Variants in GALNT18 observed in about 807,000 individuals in gnomAD.
GALNT18 encodes GalNAc-transferase 18.
In GALNT18, 44 loss-of-function variants were observed where a neutral mutation model predicts 69.5. That is an observed-to-expected ratio of 0.63 (90% confidence interval 0.50 to 0.81). The LOEUF (loss-of-function observed/expected upper bound fraction) is 0.81, where lower values mean the gene tolerates loss of function less well. Among genes scored for constraint, GALNT18 ranks in the 40% least tolerant of loss-of-function variants. The pLI, the probability that GALNT18 is intolerant of heterozygous loss-of-function variation, is 0.00. For synonymous variants in GALNT18, 364 were observed against 318.2 expected (o/e 1.14, Z -1.53); for missense variants, 715 against 810.0 (o/e 0.88, Z 1.42).
chr11:11,461,871 G>C lies in GALNT18; in HGVS notation c.236-12935C>G, dbSNP rs116418819. On this transcript the variant is annotated intron_variant, in intron 1 of 10. Transcript: ENST00000227756. This position sits in a 1 kb window ranked among gnomAD's most constrained non-coding sequence, Gnocchi z 4.1. Reference sequence around the variant, plus strand: ...CTCTGCTACAAGAGTCCTTGCTTTGGGAAACCTGCAGCCTGAATGAAGCTG... The same window carrying C: ...CTCTGCTACAAGAGTCCTTGCTTTGCGAAACCTGCAGCCTGAATGAAGCTG... Among the ~76,000 whole-genome samples the C allele has an allele frequency of 3.0e-3, 462 of 152,306 alleles. 3 individuals carry two copies. Among genetic ancestry groups the C allele is most frequent in the African/African-American group, 0.011 (441 of 41,554 alleles).
intron 8 of GALNT18, among the ~76,000 whole-genome samples, chr11:11,329,583 T>C: frequency 6.6e-6 from 1 of 152,236 alleles, no homozygotes; most frequent in Non-Finnish European, 1.5e-5. Flanking sequence ...ACCACATTCC[T>C]GTGCTTCACT....
At chr11:11,326,508 T>C (rs773395085) in intron 9 of GALNT18, among the ~76,000 whole-genome samples, 2 of 152,196 alleles carry the variant, frequency 1.3e-5, no homozygotes, top group Non-Finnish European at 2.9e-5. Context: ...CCTCTTTGAG[T>C]ATCTGAAGCT....
At chr11:11,554,045 C>T (rs888643126) in intron 1 of GALNT18, among the ~76,000 whole-genome samples, 2 of 151,752 alleles carry the variant, frequency 1.3e-5, no homozygotes, top group African/African-American at 4.9e-5. Flanking sequence ...AAGGGTTTGC[C>T]AGTTACAGGC....
At chr11:11,386,505 A>AT (rs1314151407) in intron 3 of GALNT18, among the ~76,000 whole-genome samples, 1 of 152,098 alleles carries the variant, frequency 6.6e-6, no homozygotes, top group African/African-American at 2.4e-5. Context: ...AAGCATTTAA[A>AT]TTTTCAACTC....
In GALNT18 at chr11:11,339,952, C is replaced by G. The variant is rs937250582; in HGVS notation, c.1278+867G>C. Among the ~76,000 whole-genome samples the G allele has an allele frequency of 6.6e-6, 1 of 152,168 alleles. No homozygotes were observed. The highest frequency in any genetic ancestry group is 1.5e-5 in the Non-Finnish European group (1 of 68,028). ...CCCATTAGAAGCTTCCTAAAGGACT[C>G]CAAAAGGGATTGCCATGGCCTTGGG... On this transcript the variant is annotated intron_variant, in intron 7 of 10. Coordinates refer to ENST00000227756, the MANE Select transcript of GALNT18 (RefSeq NM_198516.3). This position sits in a 1 kb window ranked among gnomAD's most constrained non-coding sequence, Gnocchi z 5.2.
intron 3 of GALNT18, among the ~76,000 whole-genome samples, chr11:11,431,009 T>G (rs1340574016): frequency 6.6e-6 from 1 of 152,224 alleles, no homozygotes; most frequent in African/African-American, 2.4e-5. Flanking sequence ...TATATCTGAT[T>G]CACTTTCCTT....
Position 11,435,468 on chromosome 11 carries a change from A to G in GALNT18, c.429-2681T>C, listed in dbSNP as rs1242327364. ...ATTTTCACAAGAAAGACTTTTGAAC[A>G]TAAAGTTTTCATAAGAAAACTCATT... On this transcript the variant is annotated intron_variant, in intron 2 of 10. Coordinates refer to ENST00000227756, the MANE Select transcript of GALNT18 (RefSeq NM_198516.3). The surrounding 1 kb of genome is among the most constrained non-coding windows in gnomAD (Gnocchi z 4.4). 1.3e-5 allele frequency among the ~76,000 whole-genome samples: 2 copies of G among 152,232 alleles called. No individual in the cohort carries two copies. The highest frequency in any genetic ancestry group is 6.5e-5 in the Admixed American group (1 of 15,286).
At position 11,469,012 on chromosome 11, in the gene GALNT18, C is replaced by T. The variant is rs1023932801; in HGVS notation, c.236-20076G>A. On this transcript the variant is annotated intron_variant, in intron 1 of 10. Transcript: ENST00000227756. The surrounding 1 kb of genome is among the most constrained non-coding windows in gnomAD (Gnocchi z 4.2). ...ACAGTCCTATAGACAGATGGCCATA[C>T]AGCGGTTGCCAGGGTTTGGTAGGGA... Among the ~76,000 whole-genome samples, 23 of 152,176 alleles carry T rather than the reference C, an allele frequency of 1.5e-4. No homozygotes were observed. The highest frequency in any genetic ancestry group is 5.1e-4 in the African/African-American group (21 of 41,448).
chr11:11,548,874 A>T (rs1405337165), intron 1 of GALNT18, among the ~76,000 whole-genome samples: 2 of 152,114 alleles, frequency 1.3e-5, no homozygotes, highest in Admixed American at 6.5e-5. Context: ...CCTGGTGAAC[A>T]ATAGATGCTT....
chr11:11,442,750 T>C (rs1042936522), intron 2 of GALNT18, among the ~76,000 whole-genome samples: 2 of 152,160 alleles, frequency 1.3e-5, no homozygotes, highest in African/African-American at 4.8e-5. Flanking sequence ...GCAGAACATA[T>C]TCTGACCACC....
In GALNT18 at chr11:11,595,381, C is replaced by T. The variant is rs1048819052; in HGVS notation, c.235+25978G>A. Among the ~76,000 whole-genome samples the T allele has an allele frequency of 2.6e-5, 4 of 152,194 alleles. No homozygotes were observed. Among genetic ancestry groups the T allele is most frequent in the Non-Finnish European group, 5.9e-5 (4 of 68,034 alleles). ...AGGCTGCAACCCAGAAGAGAGACTT[C>T]ACCAGACAGAACCCCATCAAGCTGG... On this transcript the variant is annotated intron_variant, in intron 1 of 10. Transcript: ENST00000227756. The surrounding 1 kb of genome is among the most constrained non-coding windows in gnomAD (Gnocchi z 5.2).
intron 1 of GALNT18, among the ~76,000 whole-genome samples, chr11:11,528,425 A>G (rs184801004): frequency 1.3e-5 from 2 of 152,278 alleles, no homozygotes; most frequent in Admixed American, 1.3e-4. Context: ...GACAGTAAGG[A>G]GTTGTGAGGA....
Position 11,621,516 on chromosome 11 carries a change from C to T in GALNT18, c.78G>A (p.Leu26=). Residue 26 remains leucine (L), a synonymous_variant, in exon 1 of 11, where the codon CTG becomes CTA. Coordinates refer to ENST00000227756, the MANE Select transcript of GALNT18 (RefSeq NM_198516.3). The surrounding 1 kb of genome is among the most constrained non-coding windows in gnomAD (Gnocchi z 9.3). ...ILSGMTNIIC[L]LYVGWVTNYI... is the part of the protein sequence containing the mutation. The stretch of plus-strand genomic sequence containing the variant: ...AGTTGGTGACCCAGCCCACGTAGAG[C>T]AGGCAGATGATGTTAGTCATGCCGC... 1.2e-6 allele frequency: 2 copies of T among 1,614,160 alleles called. No homozygotes were observed. The highest frequency in any genetic ancestry group is 1.7e-6 in the Non-Finnish European group (2 of 1,180,020).
At chr11:11,433,928 C>G (rs912636854) in intron 2 of GALNT18, among the ~76,000 whole-genome samples, 5 of 152,148 alleles carry the variant, frequency 3.3e-5, no homozygotes, top group Non-Finnish European at 7.3e-5. Context: ...TGACCATGTT[C>G]CACTGCTCCA....
chr11:11,321,182 T>A (rs2133038843), intron 9 of GALNT18, among the ~76,000 whole-genome samples: 3 of 152,272 alleles, frequency 2.0e-5, no homozygotes, highest in Middle Eastern at 6.8e-3. Flanking sequence ...GCTAGGAGTG[T>A]TGAGCCTAAA....
intron 1 of GALNT18, among the ~76,000 whole-genome samples, chr11:11,467,860 T>G (rs1035551858): frequency 1.3e-5 from 2 of 152,200 alleles, no homozygotes; most frequent in Non-Finnish European, 2.9e-5. Context: ...GGATTAAGGA[T>G]AGTGGTTTCC....
intron 3 of GALNT18, among the ~76,000 whole-genome samples, chr11:11,390,991 C>T (rs1252473489): frequency 6.6e-6 from 1 of 152,214 alleles, no homozygotes; most frequent in Admixed American, 6.5e-5. Context: ...TGCTTCACAG[C>T]TGGTGCCATT....
intron 1 of GALNT18, chr11:11,476,099 G>A (rs1856390375): frequency 6.6e-6 from 1 of 152,166 alleles, no homozygotes; most frequent in African/African-American, 2.4e-5. Context: ...CCTGAAGGCT[G>A]TGATCTCTCA....
intron 3 of GALNT18, among the ~76,000 whole-genome samples, chr11:11,420,553 C>A (rs1854981467): frequency 6.6e-6 from 1 of 152,110 alleles, no homozygotes. Flanking sequence ...CAGTAGGGAG[C>A]ATTTGATTTG....
Sources: gnomAD v4.1 joint callset for allele counts (sites outside exome capture counted in the v4.1 genomes callset) on GRCh38, gnomAD v4.1.1 for gene constraint, Gnocchi (gnomAD v3.1) non-coding constraint, MANE v1.5 for transcripts, NCBI Gene and HGNC (gene_info 2026-07-23, HGNC 2026-07-21) for gene names.